MYO6: variants seen among roughly 807,000 people sequenced by gnomAD.
MYO6 encodes myosin VI.
Under a neutral mutation model 178.7 loss-of-function variants are expected in MYO6, and 74 were observed. The ratio of observed to expected loss-of-function variants is 0.41; its 90% CI spans 0.34 to 0.50. MYO6 has a LOEUF of 0.50. Ranked by LOEUF, MYO6 falls within the 20% of genes least tolerant of loss-of-function variation. MYO6 has a pLI of 0.09. For missense variants in MYO6, 1,330 were observed against 1,547.4 expected, an observed-to-expected ratio of 0.86 and a Z score of 2.36; for synonymous variants, 477 against 504.6, an observed-to-expected ratio of 0.95 and a Z score of 0.73.
chr6:75,764,496 T>C (rs910094727), intron 1 of MYO6, among the ~76,000 whole-genome samples: 1 of 152,198 alleles, frequency 6.6e-6, no homozygotes, highest in Non-Finnish European at 1.5e-5. Context: ...GGTATTATAA[T>C]GTACATCAAA....
intron 7 of MYO6, among the ~76,000 whole-genome samples, chr6:75,838,688 G>A (rs1334610178): frequency 6.8e-6 from 1 of 146,988 alleles, no homozygotes; most frequent in Admixed American, 6.9e-5. Context: ...TTGAGTTGGA[G>A]TCTCACTCTT....
chr6:75,829,637 A>AT (rs3839375), intron 4 of MYO6, among the ~76,000 whole-genome samples: 97,475 of 151,896 alleles, frequency 0.64, 32,920 homozygotes, highest in East Asian at 0.91. Context: ...TTTCTCCCTG[A>AT]TTTTTTCAAA....
chr6:75,813,830 A>G (rs1191094901), intron 1 of MYO6, among the ~76,000 whole-genome samples: 2 of 152,154 alleles, frequency 1.3e-5, no homozygotes, highest in African/African-American at 4.8e-5. Flanking sequence ...AGAAATGCCC[A>G]GGAGCTAGGG....
rs942486341 is a variant in MYO6, at chr6:75,793,342, C to T, written c.-47-24159C>T. Among the ~76,000 whole-genome samples the T allele has an allele frequency of 1.5e-4, 23 of 152,226 alleles. No individual in the cohort carries two copies. In the East Asian group the frequency reaches 1.7e-3, roughly 11 times the overall value. ...AAAATGGGCTGAGTGTGGTGGCTCA[C>T]GCTTGTAATCCCAGCACTTTAGGAG... On this transcript the variant is annotated intron_variant, in intron 1 of 34. Transcript: ENST00000369977.
chr6:75,758,624 C>T (rs1224772217), intron 1 of MYO6, among the ~76,000 whole-genome samples: 1 of 151,990 alleles, frequency 6.6e-6, no homozygotes, highest in Non-Finnish European at 1.5e-5. Context: ...CCACGCCCAG[C>T]TAATTTTTCT....
At chr6:75,751,737 C>G (rs916488044) in intron 1 of MYO6, among the ~76,000 whole-genome samples, 1 of 152,094 alleles carries the variant, frequency 6.6e-6, no homozygotes, top group African/African-American at 2.4e-5. Flanking sequence ...TGGGCTGTAT[C>G]TGGGTTCCAA....
Position 75,907,303 on chromosome 6 carries a change from G to A in MYO6, c.3177-302G>A, listed in dbSNP as rs549609257. Among the ~76,000 whole-genome samples, 91 of 152,160 alleles carry A rather than the reference G, an allele frequency of 6.0e-4. 2 individuals are homozygous for A. In the South Asian group the frequency reaches 0.017, roughly 28 times the overall value. ...GTATATTTTTCAACTTTAAGTGTTC[G>A]TATATATATTAGTAAAAACATTGAA... is the stretch of plus-strand genomic sequence containing the variant. On this transcript the variant is annotated intron_variant, in intron 30 of 34. Coordinates refer to ENST00000369977, the MANE Select transcript of MYO6 (RefSeq NM_004999.4).
intron 9 of MYO6, among the ~76,000 whole-genome samples, chr6:75,844,264 T>C (rs771784489): frequency 9.9e-5 from 15 of 152,184 alleles, no homozygotes; most frequent in Non-Finnish European, 2.1e-4. Context: ...TCTTGTTCTA[T>C]ATTTTGGAAG....
intron 18 of MYO6, among the ~76,000 whole-genome samples, chr6:75,868,169 A>G (rs551107707): frequency 7.2e-5 from 11 of 152,180 alleles, no homozygotes; most frequent in African/African-American, 2.6e-4. Flanking sequence ...AAATATTTAT[A>G]AGAGCTAGTT....
At position 75,890,073 on chromosome 6, in the gene MYO6, A is replaced by G. The variant is rs1347668305; in HGVS notation, c.2675A>G (p.Gln892Arg). Residue 892 changes from glutamine to arginine, a missense_variant, in exon 26 of 35, where the codon CAG becomes CGG. Gln to Arg is a conservative substitution (Grantham distance 43). This residue lies in a region of MYO6 where 601 missense variants were observed against 626.1 expected (regional missense o/e 0.96). Transcript: ENST00000369977. Reference protein sequence around the residue: ...MAKIKSTMMTQEQIQKEYDAL... With the variant: ...MAKIKSTMMTREQIQKEYDAL... ...TTTTTAAAGTCCACTATGATGACGC[A>G]GGAACAAATCCAGAAAGAATATGAT... is the stretch of plus-strand genomic sequence containing the variant. 1.9e-6 allele frequency: 3 copies of G among 1,613,508 alleles called. No individual in the cohort carries two copies. The South Asian group carries it at 3.3e-5, about 18-fold the overall frequency.
intron 11 of MYO6, among the ~76,000 whole-genome samples, chr6:75,852,229 A>G (rs971618325): frequency 6.6e-6 from 1 of 152,166 alleles, no homozygotes; most frequent in African/African-American, 2.4e-5. Context: ...TGAGAGCTAT[A>G]TAATTTTAGG....
chr6:75,767,986 C>T (rs1778584046), intron 1 of MYO6: 1 of 152,172 alleles, frequency 6.6e-6, no homozygotes, highest in Admixed American at 6.5e-5. Flanking sequence ...TCAAGTGATT[C>T]TCCTGCCTCA....
At chr6:75,757,121 ATATG>A (rs1777488715) in intron 1 of MYO6, among the ~76,000 whole-genome samples, 1 of 146,374 alleles carries the variant, frequency 6.8e-6, no homozygotes, top group Admixed American at 6.8e-5. Flanking sequence ...ATATGTGTAT[ATATG>A]TATATACAAG....
At chr6:75,751,688 G>A (rs1190045538) in intron 1 of MYO6, among the ~76,000 whole-genome samples, 1 of 152,158 alleles carries the variant, frequency 6.6e-6, no homozygotes, top group Admixed American at 6.6e-5. Flanking sequence ...ACTTTGCCTG[G>A]AGTCTGTGGT....
chr6:75,833,173 A>G (rs1773297036), intron 6 of MYO6, among the ~76,000 whole-genome samples: 1 of 152,106 alleles, frequency 6.6e-6, no homozygotes, highest in South Asian at 2.1e-4. Context: ...TTTTTTGTAG[A>G]GATGAAGTCT....
chr6:75,798,657 A>G (rs1769105235), intron 1 of MYO6, among the ~76,000 whole-genome samples: 1 of 152,214 alleles, frequency 6.6e-6, no homozygotes, highest in African/African-American at 2.4e-5. Context: ...CCCATAGCCA[A>G]CATTGGACTG....
chr6:75,783,088 AT>A (rs912963485), intron 1 of MYO6, among the ~76,000 whole-genome samples: 1 of 149,872 alleles, frequency 6.7e-6, no homozygotes, highest in Non-Finnish European at 1.5e-5. Flanking sequence ...CTAATTTTTA[AT>A]TTTTTTTTGT....
intron 30 of MYO6, among the ~76,000 whole-genome samples, chr6:75,906,174 G>A (rs1268602967): frequency 1.3e-5 from 2 of 152,086 alleles, no homozygotes; most frequent in African/African-American, 4.8e-5. Context: ...TTAATAGTTA[G>A]TTAGTTTAAT....
chr6:75,752,069 T>A (rs1000348708), intron 1 of MYO6, among the ~76,000 whole-genome samples: 3 of 152,004 alleles, frequency 2.0e-5, no homozygotes, highest in Non-Finnish European at 4.4e-5. Context: ...CTTGGGTCAC[T>A]GCAACCTCCG....
Sources: allele counts gnomAD v4.1 joint callset (sites outside exome capture counted in the v4.1 genomes callset), GRCh38; gene constraint gnomAD v4.1.1; regional missense constraint gnomAD v4.1.1; transcripts MANE v1.5; gene names NCBI Gene and HGNC (gene_info 2026-07-23, HGNC 2026-07-21).